The following SRPRB variants were observed in gnomAD, a reference collection of about 807,000 sequenced individuals.
The protein encoded by SRPRB is SRP receptor subunit beta, also known as signal recognition particle receptor subunit beta.
In SRPRB, 20 loss-of-function variants were observed where a neutral mutation model predicts 31.9. That is an observed-to-expected ratio of 0.63 (90% CI 0.44 to 0.91). The LOEUF (loss-of-function observed/expected upper bound fraction) is 0.91. Among genes scored for constraint, SRPRB ranks in the 40% least tolerant of loss-of-function variants. SRPRB has a pLI of 0.00. For synonymous variants in SRPRB, 146 were observed against 132.8 expected, an observed-to-expected ratio of 1.10 and a Z score of -0.68; for missense variants, 321 against 324.9, an observed-to-expected ratio of 0.99 and a Z score of 0.09.
intron 1 of SRPRB, 58 bp from the exon 2 acceptor site, chr3:133,806,551 G>A: frequency 7.5e-7 from 1 of 1,326,832 alleles, no homozygotes; most frequent in Non-Finnish European, 1.1e-6. Context: ...CCCCAGCCAT[G>A]CACATATACT....
chr3:133,825,899 A>T (rs1316054975), downstream of SRPRB: 3 of 152,216 alleles, frequency 2.0e-5, no homozygotes, highest in East Asian at 5.8e-4. Flanking sequence ...ACCCATCTGG[A>T]TTCAGCAAAG....
In SRPRB at chr3:133,816,933, G is replaced by GT; in HGVS notation, c.602+2dup. ...TTCAACAGCAGCTGGAGAAAGAACT[G>GT]TAAGTGTGAAAGAGGCCTGTTGGTT... On this transcript the variant is annotated splice_donor_variant, in intron 6 of 6. Transcript: ENST00000678299. LOFTEE classifies it high-confidence loss of function. 6.2e-7 allele frequency: 1 copy of GT among 1,609,754 alleles called. No individual in the cohort carries two copies. The highest frequency in any genetic ancestry group is 8.5e-7 in the Non-Finnish European group (1 of 1,177,926).
chr3:133,787,346 G>C (rs778344596), intron 1 of SRPRB: 14 of 152,142 alleles, frequency 9.2e-5, no homozygotes, highest in Non-Finnish European at 8.8e-5. Context: ...CTGTCCACTG[G>C]ATTGAAGACA....
intron 4 of SRPRB, among the ~76,000 whole-genome samples, chr3:133,815,234 A>C (rs568028183): frequency 6.6e-6 from 1 of 152,200 alleles, no homozygotes; most frequent in South Asian, 2.1e-4. Flanking sequence ...ATTCTCCTTA[A>C]AGTTGCCTTT....
At chr3:133,827,551 A>G (rs1237250382), downstream of SRPRB, 1 of 257,962 alleles carries the variant, frequency 3.9e-6, no homozygotes, top group Non-Finnish European at 7.4e-6. Flanking sequence ...TGGAGACCCC[A>G]CCTGAACCAC....
intron 1 of SRPRB, chr3:133,788,351 G>A (rs981691847): frequency 2.6e-5 from 4 of 152,186 alleles, no homozygotes; most frequent in Non-Finnish European, 5.9e-5. Flanking sequence ...AGTAACCAAT[G>A]GAAACCTTGA....
chr3:133,805,892 C>G lies in SRPRB; in HGVS notation c.44C>G (p.Ala15Gly), dbSNP rs1433908692. The change falls in exon 1 of 7, where the codon GCC (alanine) becomes GGC (glycine). Residue 15 changes from alanine to glycine, a missense_variant. By Grantham distance (60) the Ala-to-Gly change is moderately conservative (BLOSUM62 0). Transcript: ENST00000678299. ...CGCCGGGTGGCAGATGGCGGCGGTG[C>G]CGGGGGCACCTTCCAGCCCTACCTA... ...DSRRVADGGG[A>G]GGTFQPYLDT... The G allele has an allele frequency of 6.2e-7, 1 of 1,613,290 alleles. No individual in the cohort carries two copies. The highest frequency in any genetic ancestry group is 1.3e-5 in the African/African-American group (1 of 74,922).
Position 133,811,136 on chromosome 3 carries a change from T to C in SRPRB, c.347T>C (p.Ile116Thr), listed in dbSNP as rs1935255261. 1.2e-6 allele frequency: 2 copies of C among 1,614,206 alleles called. No individual in the cohort carries two copies. The highest frequency in any genetic ancestry group is 2.2e-5 in the East Asian group (1 of 44,888). ...NNNRGNSLTLIDLPGHESLRL... is the reference protein window; with the variant it reads ...NNNRGNSLTLTDLPGHESLRL... The stretch of plus-strand genomic sequence containing the variant: ...CCCCAGGGCAATAGTCTGACCTTGA[T>C]TGACCTTCCCGGCCATGAGAGTTTG... The change falls in exon 4 of 7, where the codon ATT becomes ACT. Residue 116 changes from isoleucine to threonine, a missense_variant. By Grantham distance (89) the Ile-to-Thr change is moderately conservative. Transcript: ENST00000678299.
At chr3:133,807,630 C>T (rs1237077180) in intron 2 of SRPRB, 116 bp from the exon 3 acceptor site, 12 of 693,088 alleles carry the variant, frequency 1.7e-5, no homozygotes, top group Non-Finnish European at 2.3e-5. Flanking sequence ...TCTTTTTCAC[C>T]TGTCGGAAGC....
intron 4 of SRPRB, among the ~76,000 whole-genome samples, chr3:133,815,180 G>A (rs1019128830): frequency 4.5e-4 from 68 of 152,182 alleles, no homozygotes; most frequent in African/African-American, 1.6e-3. Context: ...CAGACAGCCT[G>A]TGCCCCAATT....
At chr3:133,809,686 C>G (rs1935224110) in intron 3 of SRPRB, among the ~76,000 whole-genome samples, 1 of 152,096 alleles carries the variant, frequency 6.6e-6, no homozygotes, top group African/African-American at 2.4e-5. Flanking sequence ...AGCACCTAAA[C>G]TAGGACTAGT....
chr3:133,804,095 C>CAAAAAAA (rs1205426598), upstream of SRPRB, among the ~76,000 whole-genome samples: 70 of 56,834 alleles, frequency 1.2e-3, no homozygotes, highest in Non-Finnish European at 1.9e-3. Context: ...GACTCTGTCT[C>CAAAAAAA]AAAAAAAAAA....
chr3:133,821,634 A>C (rs149575911), downstream of SRPRB: 2 of 152,334 alleles, frequency 1.3e-5, no homozygotes, highest in South Asian at 4.1e-4. Flanking sequence ...CCAAAAAAGG[A>C]TAATTCTATC....
chr3:133,796,507 C>A (rs1172502783), intron 1 of SRPRB: 1 of 152,236 alleles, frequency 6.6e-6, no homozygotes, highest in East Asian at 1.9e-4. Flanking sequence ...CACTGAGTAA[C>A]CAATGGAAAC....
chr3:133,804,095 CAAAAAAAAA>C (rs1205426598), upstream of SRPRB, among the ~76,000 whole-genome samples: 1,426 of 58,270 alleles, frequency 0.024, 29 homozygotes, highest in African/African-American at 0.083. Context: ...GACTCTGTCT[CAAAAAAAAA>C]AAAAAAAAAA....
chr3:133,812,845 T>A (rs1935300271), intron 4 of SRPRB, among the ~76,000 whole-genome samples: 1 of 152,214 alleles, frequency 6.6e-6, no homozygotes, highest in Non-Finnish European at 1.5e-5. Context: ...CCTCTTACAT[T>A]CAGTGATGAG....
chr3:133,804,017 A>G (rs1325117604), upstream of SRPRB, among the ~76,000 whole-genome samples: 2 of 135,348 alleles, frequency 1.5e-5, no homozygotes, highest in African/African-American at 5.7e-5. Context: ...AATGGCGTGA[A>G]CCCGGGAGGC....
chr3:133,791,507 A>G (rs1387889644), intron 1 of SRPRB: 4 of 152,234 alleles, frequency 2.6e-5, no homozygotes, highest in African/African-American at 9.6e-5. Flanking sequence ...AATGAATAGT[A>G]AAAGTCACTG....
downstream of SRPRB, chr3:133,827,995 C>CTGA (rs1441435370): frequency 8.5e-6 from 6 of 702,812 alleles, no homozygotes; most frequent in East Asian, 1.6e-4. Flanking sequence ...CCTCGTCCTT[C>CTGA]TGATGGCCTC....
Sources: gnomAD v4.1 joint callset for allele counts (sites outside exome capture counted in the v4.1 genomes callset) on GRCh38, gnomAD v4.1.1 for gene constraint, MANE v1.5 for transcripts, NCBI Gene and HGNC (gene_info 2026-07-23, HGNC 2026-07-21) for gene names.